The following ZNF385D variants were observed in gnomAD, a reference collection of about 807,000 sequenced individuals.
The protein encoded by ZNF385D is zinc finger protein 659.
A neutral mutation model predicts 35.8 loss-of-function variants in ZNF385D; 15 were observed. That is an observed-to-expected ratio of 0.42 (90% CI 0.28 to 0.64). The LOEUF is 0.64. Ranked by LOEUF, ZNF385D falls within the 30% of genes least tolerant of loss-of-function variation. ZNF385D has a pLI of 0.23. For missense variants in ZNF385D, 474 were observed against 494.6 expected, an observed-to-expected ratio of 0.96 and a Z score of 0.39; for synonymous variants, 212 against 186.8, an observed-to-expected ratio of 1.13 and a Z score of -1.10.
intron 3 of ZNF385D, among the ~76,000 whole-genome samples, chr3:21,936,304 GATTT>G (rs1454343186): frequency 3.3e-5 from 5 of 151,968 alleles, no homozygotes; most frequent in African/African-American, 1.2e-4. Flanking sequence ...TATACATAAA[GATTT>G]ATTTCAATCA....
At chr3:22,279,077 G>T (rs959822251) in intron 2 of ZNF385D, among the ~76,000 whole-genome samples, 12 of 152,008 alleles carry the variant, frequency 7.9e-5, no homozygotes, top group African/African-American at 2.9e-4. Context: ...AGAAATACAG[G>T]ACTATCTCCA....
intron 1 of ZNF385D, among the ~76,000 whole-genome samples, chr3:21,749,535 T>G (rs941730274): frequency 1.3e-5 from 2 of 152,244 alleles, no homozygotes; most frequent in African/African-American, 4.8e-5. Flanking sequence ...TGAAAATATA[T>G]GCATGATAAA....
intron 3 of ZNF385D, among the ~76,000 whole-genome samples, chr3:22,062,735 T>C (rs1434618271): frequency 6.6e-6 from 1 of 152,210 alleles, no homozygotes; most frequent in East Asian, 1.9e-4. Flanking sequence ...TTGTGGGAGT[T>C]GGTCATAAAA....
chr3:22,109,021 A>G (rs1192607033), intron 3 of ZNF385D, among the ~76,000 whole-genome samples: 1 of 152,174 alleles, frequency 6.6e-6, no homozygotes, highest in African/African-American at 2.4e-5. Context: ...CAAAAAACAA[A>G]ACAAAACCAT....
intron 2 of ZNF385D, among the ~76,000 whole-genome samples, chr3:21,629,301 G>C (rs2065217412): frequency 6.6e-6 from 1 of 152,082 alleles, no homozygotes; most frequent in Admixed American, 6.6e-5. Flanking sequence ...TATAATTTCA[G>C]GTGGAGGTTG....
intron 2 of ZNF385D, among the ~76,000 whole-genome samples, chr3:22,211,441 G>A (rs1361305259): frequency 6.6e-6 from 1 of 151,900 alleles, no homozygotes; most frequent in Non-Finnish European, 1.5e-5. Flanking sequence ...TCTCATTTGT[G>A]TTATGTGTGG....
intron 4 of ZNF385D, among the ~76,000 whole-genome samples, chr3:21,474,969 A>G (rs990752739): frequency 2.2e-4 from 34 of 152,038 alleles, no homozygotes; most frequent in African/African-American, 8.2e-4. Context: ...AATTAAGAAT[A>G]TAATTTTTTT....
rs77148751 is a variant in ZNF385D, at chr3:21,671,131, T to C, written c.23-6103A>G. Among the ~76,000 whole-genome samples the C allele has an allele frequency of 4.0e-3, 605 of 152,196 alleles. 6 individuals carry two copies. The highest frequency in any genetic ancestry group is 0.014 in the African/African-American group (570 of 41,542). On this transcript the variant is annotated intron_variant, in intron 1 of 7. Transcript: ENST00000281523. ...TCATAAATATTCATGGCTCCTTTTA[T>C]AGCATATTACACATGTATTTGGCCA...
Position 22,327,239 on chromosome 3 carries a change from A to G in ZNF385D, c.106+45211T>C, listed in dbSNP as rs532364555. On this transcript the variant is annotated intron_variant, in intron 2 of 5. Coordinates refer to the ZNF385D transcript ENST00000494108. ...GAAAACTGGTAGCCAGGAACATTAAACCTTACAAGTTGGATTCTGTAAATA... is the reference window on the plus strand; with the variant it reads ...GAAAACTGGTAGCCAGGAACATTAAGCCTTACAAGTTGGATTCTGTAAATA... Among the ~76,000 whole-genome samples, 8 of 152,286 alleles carry G rather than the reference A, an allele frequency of 5.3e-5. No homozygotes were observed. The South Asian group carries it at 1.0e-3, about 20-fold the overall frequency.
At chr3:21,865,435 T>C (rs1377695894) in intron 3 of ZNF385D, among the ~76,000 whole-genome samples, 3 of 152,116 alleles carry the variant, frequency 2.0e-5, no homozygotes, top group African/African-American at 7.2e-5. Flanking sequence ...AAAACCATAT[T>C]ATTATTAAGG....
intron 2 of ZNF385D, among the ~76,000 whole-genome samples, chr3:22,366,279 T>C (rs943633034): frequency 6.6e-6 from 1 of 152,110 alleles, no homozygotes; most frequent in Non-Finnish European, 1.5e-5. Context: ...AAGGTAGTCA[T>C]TGTCTAGGGT....
At chr3:21,599,184 G>A (rs1200784223) in intron 2 of ZNF385D, among the ~76,000 whole-genome samples, 1 of 152,178 alleles carries the variant, frequency 6.6e-6, no homozygotes, top group Non-Finnish European at 1.5e-5. Flanking sequence ...GGCAAACAGA[G>A]GGGAAGCCAT....
intron 3 of ZNF385D, among the ~76,000 whole-genome samples, chr3:21,556,893 A>G (rs945505129): frequency 6.6e-6 from 1 of 152,060 alleles, no homozygotes; most frequent in African/African-American, 2.4e-5. Context: ...TTCACATCCC[A>G]TGTAAGTTGT....
chr3:22,291,368 A>G (rs1702293815), intron 2 of ZNF385D, among the ~76,000 whole-genome samples: 1 of 152,150 alleles, frequency 6.6e-6, no homozygotes, highest in Admixed American at 6.6e-5. Flanking sequence ...CTTGTGCTTT[A>G]AAAAATCATT....
chr3:21,761,063 G>A (rs2070586943), intron 3 of ZNF385D, among the ~76,000 whole-genome samples: 2 of 152,052 alleles, frequency 1.3e-5, no homozygotes, highest in South Asian at 4.2e-4. Context: ...CATGCTATGA[G>A]GACACTCAAG....
chr3:21,755,552 C>A (rs539849160), upstream of ZNF385D, among the ~76,000 whole-genome samples: 1 of 152,258 alleles, frequency 6.6e-6, no homozygotes, highest in East Asian at 1.9e-4. Flanking sequence ...AATATTATGT[C>A]TTCTGAGAAC....
chr3:22,133,869 A>G (rs1703948919), intron 3 of ZNF385D: 1 of 152,006 alleles, frequency 6.6e-6, no homozygotes, highest in Admixed American at 6.6e-5. Flanking sequence ...ACTTCTAACT[A>G]CTAAGTGAAG....
chr3:22,177,876 T>G (rs1223008292), intron 2 of ZNF385D, among the ~76,000 whole-genome samples: 1 of 152,156 alleles, frequency 6.6e-6, no homozygotes, highest in African/African-American at 2.4e-5. Flanking sequence ...GAATGATGGT[T>G]TCCAGCTTCA....
At chr3:21,854,867 C>A (rs141414310) in intron 3 of ZNF385D, among the ~76,000 whole-genome samples, 66 of 151,968 alleles carry the variant, frequency 4.3e-4, no homozygotes, top group African/African-American at 1.5e-3. Context: ...GTGATATGGC[C>A]AGCTAAGGAA....
Sources: allele counts gnomAD v4.1 joint callset (sites outside exome capture counted in the v4.1 genomes callset), GRCh38; gene constraint gnomAD v4.1.1; transcripts MANE v1.5; gene names NCBI Gene and HGNC (gene_info 2026-07-23, HGNC 2026-07-21).